AFG2B: variants seen among roughly 807,000 people sequenced by gnomAD.
The protein encoded by AFG2B is ATPase family gene 2 protein homolog B.
At chr15:45,417,206 T>C in the AFG2B span, 1 of 1,567,990 alleles carries the variant, frequency 6.4e-7, no homozygotes, top group Non-Finnish European at 8.7e-7. Flanking sequence ...TTCTGATTTA[T>C]AATTTTTAGA....
the AFG2B span, among the ~76,000 whole-genome samples, chr15:45,419,523 CA>C: frequency 7.2e-5 from 11 of 151,818 alleles, no homozygotes; most frequent in African/African-American, 2.7e-4. Context: ...CCTTGTAAAC[CA>C]CTCTAAGATA....
At chr15:45,402,819 G>A in the AFG2B span, 9 of 1,596,944 alleles carry the variant, frequency 5.6e-6, no homozygotes, top group African/African-American at 9.4e-5. Flanking sequence ...ATACAGCCGC[G>A]GTGCTGGAGG....
the AFG2B span, among the ~76,000 whole-genome samples, chr15:45,413,023 TG>T: frequency 6.6e-6 from 1 of 152,244 alleles, no homozygotes; most frequent in Non-Finnish European, 1.5e-5. Flanking sequence ...TTTGAGTCCA[TG>T]GATAAGAGCA....
the AFG2B span, among the ~76,000 whole-genome samples, chr15:45,408,662 C>T: frequency 6.6e-6 from 1 of 152,196 alleles, no homozygotes. Flanking sequence ...TGTGGAACTG[C>T]TATTTTTCCC....
At chr15:45,418,695 T>C in the AFG2B span, 9 of 1,596,412 alleles carry the variant, frequency 5.6e-6, no homozygotes, top group African/African-American at 9.5e-5. Flanking sequence ...AAGTTAATTA[T>C]TGAAGAAATT....
chr15:45,408,638 C>T, the AFG2B span, among the ~76,000 whole-genome samples: 5 of 152,184 alleles, frequency 3.3e-5, no homozygotes, highest in Non-Finnish European at 5.9e-5. Flanking sequence ...TCAGGCAGTG[C>T]GCAGTTTCTC....
the AFG2B span, chr15:45,402,761 C>T: frequency 1.3e-6 from 2 of 1,579,590 alleles, no homozygotes; most frequent in Non-Finnish European, 8.6e-7. Flanking sequence ...CGGCGCGTCG[C>T]CGTGTGGCCG....
At chr15:45,405,301 T>C in the AFG2B span, 2 of 1,602,120 alleles carry the variant, frequency 1.2e-6, no homozygotes, top group Admixed American at 1.7e-5. Flanking sequence ...TTCTTTTTTT[T>C]GTTTTGCTTT....
At chr15:45,417,378 T>C in the AFG2B span, 1 of 1,614,080 alleles carries the variant, frequency 6.2e-7, no homozygotes, top group Non-Finnish European at 8.5e-7. Flanking sequence ...AGATCATCTA[T>C]ATCCCACCTC....
chr15:45,407,275 A>C, the AFG2B span: 2 of 1,166,636 alleles, frequency 1.7e-6, no homozygotes, highest in Non-Finnish European at 2.2e-6. Context: ...GGCTGCTGCT[A>C]CCTCTCCCTG....
At chr15:45,404,247 C>G in the AFG2B span, among the ~76,000 whole-genome samples, 1 of 152,104 alleles carries the variant, frequency 6.6e-6, no homozygotes, top group Non-Finnish European at 1.5e-5. Flanking sequence ...GAGTGGATTT[C>G]TTCCTTGCAC....
chr15:45,414,841 A>G, the AFG2B span: 1 of 1,429,428 alleles, frequency 7.0e-7, no homozygotes, highest in Non-Finnish European at 9.6e-7. Flanking sequence ...TTTCTTATGG[A>G]CAAACCTTTT....
the AFG2B span, chr15:45,405,488 C>G: frequency 6.2e-7 from 1 of 1,613,152 alleles, no homozygotes; most frequent in African/African-American, 1.3e-5. Flanking sequence ...CATGCATGCC[C>G]TCCTTCATAG....
the AFG2B span, chr15:45,402,938 C>G: frequency 6.3e-7 from 1 of 1,598,082 alleles, no homozygotes; most frequent in African/African-American, 1.3e-5. Context: ...GGCGGGACGC[C>G]CAGTCCCGAT....
At chr15:45,402,921 C>T in the AFG2B span, 8 of 1,597,954 alleles carry the variant, frequency 5.0e-6, no homozygotes, top group Non-Finnish European at 8.5e-7. Flanking sequence ...CTGCCTTGCA[C>T]ATCGTCGGCG....
the AFG2B span, among the ~76,000 whole-genome samples, chr15:45,413,948 G>T: frequency 2.0e-5 from 3 of 152,088 alleles, no homozygotes; most frequent in African/African-American, 4.8e-5. Context: ...TTCATTATTC[G>T]GTTTACTGTT....
At chr15:45,402,974 C>T in the AFG2B span, 2 of 1,594,490 alleles carry the variant, frequency 1.3e-6, no homozygotes, top group Non-Finnish European at 8.5e-7. Context: ...ACCCCTCGTA[C>T]CCGCGTCAGC....
At chr15:45,406,172 A>G in the AFG2B span, among the ~76,000 whole-genome samples, 1 of 152,198 alleles carries the variant, frequency 6.6e-6, no homozygotes, top group African/African-American at 2.4e-5. Flanking sequence ...TGAAAACATA[A>G]CTTTTTAAGA....
chr15:45,406,848 G>T, the AFG2B span, among the ~76,000 whole-genome samples: 1 of 152,210 alleles, frequency 6.6e-6, no homozygotes. Context: ...AAGGTGGGGA[G>T]GAGTTATGTG....
Sources: allele counts gnomAD v4.1 joint callset (sites outside exome capture counted in the v4.1 genomes callset), GRCh38; gene constraint gnomAD v4.1.1; transcripts MANE v1.5; gene names NCBI Gene and HGNC (gene_info 2026-07-23, HGNC 2026-07-21).